TNK2: variants seen among roughly 807,000 people sequenced by gnomAD.
TNK2 encodes activated CDC42 kinase 1.
In TNK2, 83 loss-of-function variants were observed where a neutral mutation model predicts 101.8. That is an observed-to-expected ratio of 0.82 (90% CI 0.68 to 0.98). The LOEUF is 0.98. Ranked by LOEUF, TNK2 falls within the 50% of genes least tolerant of loss-of-function variation. The pLI is 0.00. For synonymous variants in TNK2, 804 were observed against 633.0 expected (o/e 1.27, Z -4.06); for missense variants, 1,665 against 1,483.2 (o/e 1.12, Z -2.01).
At chr3:195,871,446 G>A (rs988660104) in intron 10 of TNK2, among the ~76,000 whole-genome samples, 3 of 152,078 alleles carry the variant, frequency 2.0e-5, no homozygotes, top group East Asian at 1.9e-4. Context: ...CATCCCCAGG[G>A]CCTGAGCCAG....
At chr3:195,887,777 G>GCA (rs1282698780) in intron 2 of TNK2, among the ~76,000 whole-genome samples, 5 of 125,372 alleles carry the variant, frequency 4.0e-5, no homozygotes, top group African/African-American at 2.1e-4. Flanking sequence ...GTGTGCGTCT[G>GCA]CGCGCGTGTG....
At position 195,867,651 on chromosome 3, in the gene TNK2, A is replaced by G. The variant is rs750374709; in HGVS notation, c.2647T>C (p.Tyr883His). The change falls in exon 13 of 16, where the codon TAC becomes CAC. Residue 883 changes from tyrosine (Y) to histidine (H), a missense_variant. Coordinates refer to ENST00000672887, the MANE Select transcript of TNK2 (RefSeq NM_001382273.1). ...AGGAAGCGCTGGTAGCGCTCCAGGTAGGATGGTCGCTCGGGCAGCAAGTAA... is the reference window on the plus strand; with the variant it reads ...AGGAAGCGCTGGTAGCGCTCCAGGTGGGATGGTCGCTCGGGCAGCAAGTAA... ...HYYLLPERPS[Y>H]LERYQRFLRE... The G allele has an allele frequency of 6.2e-7, 1 of 1,604,046 alleles. No homozygotes were observed. Among genetic ancestry groups the G allele is most frequent in the Non-Finnish European group, 8.5e-7 (1 of 1,179,564 alleles).
At chr3:195,875,666 C>G (rs772491300) in intron 9 of TNK2, among the ~76,000 whole-genome samples, 11 of 152,164 alleles carry the variant, frequency 7.2e-5, no homozygotes, top group Non-Finnish European at 1.5e-4. Context: ...CCCTCTCTCT[C>G]CCGCCATGAA....
At position 195,885,509 on chromosome 3, in the gene TNK2, C is replaced by T; in HGVS notation, c.235-476G>A. On this transcript the variant is annotated intron_variant, in intron 3 of 15. Coordinates refer to ENST00000672887, the MANE Select transcript of TNK2 (RefSeq NM_001382273.1). This position sits in a 1 kb window ranked among gnomAD's most constrained non-coding sequence, Gnocchi z 4.7. Reference sequence around the variant, plus strand: ...GGCCTGACCATTTGGTGCTGTCTGTCTCCACCCTCACCAGGGAGTCGGCTG... The same window carrying T: ...GGCCTGACCATTTGGTGCTGTCTGTTTCCACCCTCACCAGGGAGTCGGCTG... The T allele has an allele frequency of 7.7e-7, 1 of 1,294,724 alleles. No individual in the cohort carries two copies. Among genetic ancestry groups the T allele is most frequent in the South Asian group, 1.2e-5 (1 of 81,080 alleles). 80.2% of individuals were successfully genotyped at this position (1,294,724 alleles called of 1,614,324 possible). A position where few individuals can be genotyped will look rare whatever the true frequency, so the allele number is the denominator to read the frequency against.
rs201080047 is a variant in TNK2 at position 195,867,287 on chromosome 3, G to T, written c.2938-23C>A. On this transcript the variant is annotated intron_variant, in intron 13 of 15. Transcript: ENST00000672887. Reference sequence around the variant, plus strand: ...CAGCTGGGCACACCCACCCCTGTCAGCACCACTAGGGCCCACTGCTCCAGG... The same window carrying T: ...CAGCTGGGCACACCCACCCCTGTCATCACCACTAGGGCCCACTGCTCCAGG... The T allele has an allele frequency of 3.7e-6, 6 of 1,612,204 alleles. No individual in the cohort carries two copies. In the African/African-American group the frequency reaches 8.0e-5, roughly 21 times the overall value.
At chr3:195,866,232 C>T (rs1399075711) in intron 15 of TNK2, among the ~76,000 whole-genome samples, 3 of 151,720 alleles carry the variant, frequency 2.0e-5, no homozygotes, top group Non-Finnish European at 4.4e-5. Flanking sequence ...AGACAGTCTC[C>T]CTCTGTCGCC....
At position 195,883,188 on chromosome 3, in the gene TNK2, T is replaced by C. The variant is rs766453551; in HGVS notation, c.578A>G (p.Tyr193Cys). 8 of 1,596,386 alleles carry C rather than the reference T, an allele frequency of 5.0e-6. No homozygotes were observed. In the African/African-American group the frequency reaches 8.1e-5, roughly 16 times the overall value. ...CATGGGCGGCGTGAGCACCACCCCGTAGAGGCGGATGAGGTTTCGGTGGTC... is the reference window on the plus strand; with the variant it reads ...CATGGGCGGCGTGAGCACCACCCCGCAGAGGCGGATGAGGTTTCGGTGGTC... ...SLDHRNLIRL[Y>C]GVVLTPPMKM... Residue 193 changes from tyrosine (Y) to cysteine (C), a missense_variant, in exon 5 of 16, where the codon TAC becomes TGC. Physicochemically the swap from Tyr to Cys is radical, Grantham distance 194. Transcript: ENST00000672887.
At chr3:195,906,086 G>A (rs997879911) in intron 1 of TNK2, among the ~76,000 whole-genome samples, 2 of 152,162 alleles carry the variant, frequency 1.3e-5, no homozygotes, top group Admixed American at 1.3e-4. Flanking sequence ...GACAACATGA[G>A]TCATTAAGGA....
rs1405007818 is a variant in TNK2 at position 195,866,922 on chromosome 3, T to G, written c.3128A>C (p.His1043Pro). 6.2e-7 allele frequency: 1 copy of G among 1,611,892 alleles called. No individual in the cohort carries two copies. The highest frequency in any genetic ancestry group is 2.2e-5 in the East Asian group (1 of 44,804). ...FDWNLEQAGC[H>P]LLGSWGPAHH... ...GGCAGGGCCCCAGGAGCCCAGAAGG[T>G]GGCAGCCGGCCTGCTCCAGGTTCCA... is the stretch of plus-strand genomic sequence containing the variant. The change falls in exon 15 of 16, where the codon CAC becomes CCC. Residue 1043 changes from histidine to proline, a missense_variant. This residue lies in a region of TNK2 where 1,136 missense variants were observed against 894.9 expected (regional missense o/e 1.27). Transcript: ENST00000672887.
At position 195,885,348 on chromosome 3, in the gene TNK2, T is replaced by G; in HGVS notation, c.235-315A>C. On this transcript the variant is annotated intron_variant, in intron 3 of 15. Transcript: ENST00000672887. The surrounding 1 kb of genome is among the most constrained non-coding windows in gnomAD (Gnocchi z 4.7). ...GGGCACCGCCCAGCCAAGGTCGGAG[T>G]CTCCTCCCAGTCCTGCCCCACCCTC... 7.3e-7 allele frequency: 1 copy of G among 1,371,764 alleles called. No individual in the cohort carries two copies. The allele number at this position is 1,371,764 out of a possible 1,614,324, so 85.0% of individuals were successfully genotyped here. A position where few individuals can be genotyped will look rare whatever the true frequency, so the allele number is the denominator to read the frequency against.
At chr3:195,873,313 G>A (rs543943830) in intron 9 of TNK2, among the ~76,000 whole-genome samples, 60 of 152,340 alleles carry the variant, frequency 3.9e-4, no homozygotes, top group African/African-American at 1.4e-3. Flanking sequence ...AGGAAGCACA[G>A]GGCTCCCGCA....
rs548592570 is a variant in TNK2 at position 195,872,310 on chromosome 3, G to A, written c.1417C>T (p.Arg473Cys). The part of the protein sequence containing the change: ...IHTGHGDSDP[R>C]HCWGFPDRID... ...CTGTCCGGGAAGCCCCAGCAGTGGC[G>A]GGGGTCACTGTCGCCATGCCCTGTG... Residue 473 changes from arginine to cysteine, a missense_variant, in exon 10 of 16, where the codon CGC (arginine) becomes TGC (cysteine). Around this residue, in one of 3 missense-constraint regions of TNK2, gnomAD observed 1,136 missense variants for 894.9 expected, o/e 1.27. Transcript: ENST00000672887. The A allele has an allele frequency of 1.3e-5, 21 of 1,613,294 alleles. 1 individual carries two copies. The highest frequency in any genetic ancestry group is 8.8e-5 in the South Asian group (8 of 91,084).
chr3:195,889,708 A>G (rs1448993457), intron 1 of TNK2, among the ~76,000 whole-genome samples: 1 of 152,148 alleles, frequency 6.6e-6, no homozygotes, highest in African/African-American at 2.4e-5. Context: ...TCTGACCTAC[A>G]CTATCCTGGG....
intron 6 of TNK2, among the ~76,000 whole-genome samples, chr3:195,880,052 G>T (rs1428266328): frequency 6.6e-6 from 1 of 152,056 alleles, no homozygotes; most frequent in East Asian, 1.9e-4. Flanking sequence ...GGATCATAAG[G>T]GTTGCCCACA....
intron 10 of TNK2, 169 bp from the exon 11 acceptor site, chr3:195,870,374 G>T (rs114615072): frequency 6.8e-7 from 1 of 1,478,350 alleles, no homozygotes; most frequent in Non-Finnish European, 9.0e-7. Flanking sequence ...CAGCTGGGGG[G>T]TGTCCTGGAG....
chr3:195,889,079 G>C (rs1418342533), intron 1 of TNK2, among the ~76,000 whole-genome samples: 1 of 151,978 alleles, frequency 6.6e-6, no homozygotes, highest in Non-Finnish European at 1.5e-5. Context: ...AAAACTCTCA[G>C]GGTCAGATGA....
Position 195,886,937 on chromosome 3 carries a change from G to C in TNK2, c.234+40C>G. 1 of 1,596,478 alleles carries C rather than the reference G, an allele frequency of 6.3e-7. No individual in the cohort carries two copies. On this transcript the variant is annotated intron_variant, in intron 3 of 15. Transcript: ENST00000672887. The surrounding 1 kb of genome is among the most constrained non-coding windows in gnomAD (Gnocchi z 4.2). ...CCAGAAGCGGAGGGGGGCGTTCGAG[G>C]CTGCCCCCCTCCCACCTCCTCACCC...
At chr3:195,902,012 A>C (rs1426123415) in intron 1 of TNK2, among the ~76,000 whole-genome samples, 1 of 152,238 alleles carries the variant, frequency 6.6e-6, no homozygotes, top group African/African-American at 2.4e-5. Context: ...GATTCCACAC[A>C]GTGTCACTCC....
intron 9 of TNK2, among the ~76,000 whole-genome samples, chr3:195,873,053 C>CA (rs1373590120): frequency 6.6e-6 from 1 of 152,152 alleles, no homozygotes; most frequent in Non-Finnish European, 1.5e-5. Flanking sequence ...AGCACTCGGG[C>CA]AACTCAGTCC....
Sources: allele counts gnomAD v4.1 joint callset (sites outside exome capture counted in the v4.1 genomes callset), GRCh38; gene constraint gnomAD v4.1.1; regional missense constraint gnomAD v4.1.1; non-coding constraint Gnocchi (gnomAD v3.1); transcripts MANE v1.5; gene names NCBI Gene and HGNC (gene_info 2026-07-23, HGNC 2026-07-21).